ESRRB: variants seen among roughly 807,000 people sequenced by gnomAD.
ESRRB encodes the protein estrogen related receptor beta, also known as steroid hormone receptor ERR2.
In ESRRB, 16 loss-of-function variants were observed where a neutral mutation model predicts 46.0. The ratio of observed to expected loss-of-function variants is 0.35; its 90% confidence interval spans 0.24 to 0.53. ESRRB has a LOEUF of 0.53. Ranked by LOEUF, ESRRB falls within the 20% of genes least tolerant of loss-of-function variation. The probability of loss-of-function intolerance (pLI) is 0.93; values close to 1 mark genes in which losing one functional copy is unlikely to be tolerated. For missense variants in ESRRB, 488 were observed against 607.4 expected (o/e 0.80, Z 2.07); for synonymous variants, 246 against 259.6 (o/e 0.95, Z 0.50).
In ESRRB at chr14:76,491,730, C is replaced by T. The variant is rs372927278; in HGVS notation, c.1120+14C>T. 145 of 1,564,004 alleles carry T rather than the reference C, an allele frequency of 9.3e-5. No individual in the cohort carries two copies. Among genetic ancestry groups the T allele is most frequent in the Middle Eastern group, 2.2e-4 (1 of 4,474 alleles). ...TCGCCAACTCCGGTAAGGGCGGCGG[C>T]GGGGCCTGGAAGGGGAGCTTCTAGG... On this transcript the variant is annotated intron_variant, in intron 6 of 6. Transcript: ENST00000644823.
chr14:76,500,500 G>A lies in ESRRB; in HGVS notation c.*2042G>A, dbSNP rs1032672576. The stretch of plus-strand genomic sequence containing the variant: ...GCACAGTGTTTAGAGGCTCTGCCCT[G>A]AGGTTCTGCTCCGGAGAAACCTTCA... On this transcript the variant is annotated 3_prime_UTR_variant, in exon 7 of 7. Coordinates refer to ENST00000644823, the MANE Select transcript of ESRRB (RefSeq NM_001379180.1). 6.3e-6 allele frequency: 4 copies of A among 636,516 alleles called. No homozygotes were observed. Among genetic ancestry groups the A allele is most frequent in the Admixed American group, 2.4e-5 (1 of 41,682 alleles). The allele number at this position is 636,516 out of a possible 1,614,324, so 39.4% of individuals were successfully genotyped here. A position where few individuals can be genotyped will look rare whatever the true frequency, so the allele number is the denominator to read the frequency against.
intron 3 of ESRRB, among the ~76,000 whole-genome samples, chr14:76,479,060 G>A (rs898801400): frequency 7.2e-5 from 11 of 152,094 alleles, no homozygotes; most frequent in Non-Finnish European, 8.8e-5. Context: ...TCTGTTGTCC[G>A]TGCAAATCAC....
At chr14:76,365,691 T>C (rs954905273) in intron 1 of ESRRB, among the ~76,000 whole-genome samples, 45 of 152,182 alleles carry the variant, frequency 3.0e-4, no homozygotes, top group African/African-American at 9.4e-4. Flanking sequence ...TATTAAATAA[T>C]AGGTAACAAA....
At chr14:76,414,668 T>TAAAAAAAAA (rs71452810) in intron 1 of ESRRB, among the ~76,000 whole-genome samples, 1,283 of 116,708 alleles carry the variant, frequency 0.011, 18 homozygotes, top group East Asian at 0.016. Flanking sequence ...GTTTGTTCCT[T>TAAAAAAAAA]AAAAAAAAAA....
intron 2 of ESRRB, among the ~76,000 whole-genome samples, chr14:76,445,476 A>AG (rs1566902832): frequency 6.8e-6 from 1 of 147,976 alleles, no homozygotes; most frequent in African/African-American, 2.6e-5. Flanking sequence ...CAAAAAAAAA[A>AG]AAAAAAAAAG....
intron 1 of ESRRB, among the ~76,000 whole-genome samples, chr14:76,329,872 C>T (rs539238672): frequency 1.4e-5 from 2 of 142,836 alleles, no homozygotes; most frequent in Admixed American, 7.5e-5. Context: ...TAGGGATGTG[C>T]GGGGGGGATA....
chr14:76,396,995 C>T (rs555935932), intron 1 of ESRRB, among the ~76,000 whole-genome samples: 2 of 152,312 alleles, frequency 1.3e-5, no homozygotes, highest in South Asian at 2.1e-4. Context: ...TCTCCTCCCA[C>T]GCCAGCCGCC....
intron 2 of ESRRB, among the ~76,000 whole-genome samples, chr14:76,441,322 G>A (rs753407094): frequency 1.8e-4 from 28 of 152,174 alleles, no homozygotes; most frequent in Non-Finnish European, 2.6e-4. Flanking sequence ...GACAAAAGGC[G>A]TGCAAGAACC....
chr14:76,369,049 T>C (rs369511935), upstream of ESRRB, among the ~76,000 whole-genome samples: 203 of 151,612 alleles, frequency 1.3e-3, 1 homozygote, highest in African/African-American at 4.6e-3. Context: ...ATACAAAAAT[T>C]AGCTGGGTGC....
intron 2 of ESRRB, among the ~76,000 whole-genome samples, chr14:76,455,394 G>C (rs1446616046): frequency 6.6e-6 from 1 of 152,000 alleles, no homozygotes; most frequent in Non-Finnish European, 1.5e-5. Flanking sequence ...TTCTTGACTT[G>C]CTGTTATGGA....
intron 1 of ESRRB, among the ~76,000 whole-genome samples, chr14:76,417,528 GT>G (rs1458021229): frequency 6.6e-6 from 1 of 152,180 alleles, no homozygotes; most frequent in Non-Finnish European, 1.5e-5. Context: ...CATCAATGTT[GT>G]TTCCTGCAGC....
intron 3 of ESRRB, among the ~76,000 whole-genome samples, chr14:76,477,764 A>G (rs989027589): frequency 6.6e-6 from 1 of 152,194 alleles, no homozygotes; most frequent in Admixed American, 6.5e-5. Context: ...GCGTAATCTG[A>G]TAATTGATAC....
chr14:76,370,225 T>TG (rs747116172), upstream of ESRRB, among the ~76,000 whole-genome samples: 3 of 140,144 alleles, frequency 2.1e-5, 1 homozygote, highest in African/African-American at 8.1e-5. Flanking sequence ...CCATCCCTGC[T>TG]AAAAAAAAAA....
intron 1 of ESRRB, among the ~76,000 whole-genome samples, chr14:76,415,903 G>A (rs1347507478): frequency 6.6e-6 from 1 of 152,186 alleles, no homozygotes; most frequent in Non-Finnish European, 1.5e-5. Flanking sequence ...AAAGCTCAGA[G>A]AGGATAAGTG....
At chr14:76,419,565 T>C (rs1566887999) in intron 1 of ESRRB, among the ~76,000 whole-genome samples, 1 of 152,168 alleles carries the variant, frequency 6.6e-6, no homozygotes, top group Non-Finnish European at 1.5e-5. Flanking sequence ...GGTAAGCCCC[T>C]GGTGAGACTG....
chr14:76,388,142 TCATTG>T (rs952448086), intron 1 of ESRRB, among the ~76,000 whole-genome samples: 8 of 151,210 alleles, frequency 5.3e-5, no homozygotes, highest in Non-Finnish European at 1.2e-4. Flanking sequence ...TATGTGTCGC[TCATTG>T]CATCTAGAAT....
chr14:76,434,574 C>T (rs528887321), intron 1 of ESRRB, among the ~76,000 whole-genome samples: 119 of 151,648 alleles, frequency 7.8e-4, no homozygotes, highest in African/African-American at 2.7e-3. Context: ...GCAAGAAAAT[C>T]GCTTCAAACC....
rs550108251 is a variant in ESRRB, at chr14:76,407,950, G to A, written c.51-31391G>A. Among the ~76,000 whole-genome samples the A allele has an allele frequency of 3.3e-5, 5 of 152,310 alleles. No homozygotes were observed. In the East Asian group the frequency reaches 9.6e-4, roughly 29 times the overall value. Reference sequence around the variant, plus strand: ...GGGTGACTGTTGACACGGGACTGCCGGGTCCTGGCAGCCCAGCCCTAGCAC... The same window carrying A: ...GGGTGACTGTTGACACGGGACTGCCAGGTCCTGGCAGCCCAGCCCTAGCAC... On this transcript the variant is annotated intron_variant, in intron 1 of 6. Transcript: ENST00000644823.
At chr14:76,404,242 T>C (rs1313960321) in intron 1 of ESRRB, among the ~76,000 whole-genome samples, 2 of 151,976 alleles carry the variant, frequency 1.3e-5, no homozygotes, top group Non-Finnish European at 2.9e-5. Context: ...GACCTAGCCA[T>C]AGGAGTGCCC....
Sources: allele counts gnomAD v4.1 joint callset (sites outside exome capture counted in the v4.1 genomes callset), GRCh38; gene constraint gnomAD v4.1.1; transcripts MANE v1.5; gene names NCBI Gene and HGNC (gene_info 2026-07-23, HGNC 2026-07-21).